The following ZNF10 variants were observed in gnomAD, a reference collection of about 807,000 sequenced individuals.
The protein encoded by ZNF10 is zinc finger protein 10 (KOX 1).
ZNF10 carries 8 observed loss-of-function variants against 12.2 expected under a neutral mutation model. The observed-to-expected ratio is 0.66, with a 90% CI of 0.39 to 1.18. ZNF10 has a LOEUF of 1.18. ZNF10 is among the 50% of genes most tolerant of loss of function. ZNF10 has a pLI of 0.01. For synonymous variants in ZNF10, 229 were observed against 228.2 expected, an observed-to-expected ratio of 1.00 and a Z score of -0.03; for missense variants, 603 against 678.9, an observed-to-expected ratio of 0.89 and a Z score of 1.24.
intron 1 of ZNF10, among the ~76,000 whole-genome samples, chr12:133,138,958 A>G (rs1419996738): frequency 2.0e-5 from 3 of 152,262 alleles, no homozygotes; most frequent in Non-Finnish European, 2.9e-5. Context: ...TACAAAGTAC[A>G]TATAGCATCC....
chr12:133,131,702 G>C (rs1566342001), intron 1 of ZNF10, among the ~76,000 whole-genome samples: 1 of 152,136 alleles, frequency 6.6e-6, no homozygotes, highest in East Asian at 1.9e-4. Context: ...CCTCTTGGAT[G>C]GTAAGTTGCA....
intron 2 of ZNF10, among the ~76,000 whole-genome samples, chr12:133,149,697 T>C (rs1955996571): frequency 6.6e-6 from 1 of 152,034 alleles, no homozygotes; most frequent in African/African-American, 2.4e-5. Flanking sequence ...ACTTGTTTTT[T>C]AATTGTTATG....
chr12:133,132,685 T>C (rs1041335700), intron 1 of ZNF10, among the ~76,000 whole-genome samples: 1 of 152,242 alleles, frequency 6.6e-6, no homozygotes, highest in Non-Finnish European at 1.5e-5. Context: ...CAAGATATGA[T>C]ATAGGCCACC....
chr12:133,144,472 A>G lies in ZNF10; in HGVS notation c.-21A>G. On this transcript the variant is annotated 5_prime_UTR_variant, in exon 2 of 5. Transcript: ENST00000248211. ...GCACTCTGCTGTCACTCAAGGAAGTATCATCAAGAACAAGGAGGGCATGGA... is the reference window on the plus strand; with the variant it reads ...GCACTCTGCTGTCACTCAAGGAAGTGTCATCAAGAACAAGGAGGGCATGGA... 6.2e-7 allele frequency: 1 copy of G among 1,613,540 alleles called. No homozygotes were observed. The highest frequency in any genetic ancestry group is 8.5e-7 in the Non-Finnish European group (1 of 1,179,572).
At chr12:133,142,038 T>C (rs1955947395) in intron 1 of ZNF10, among the ~76,000 whole-genome samples, 1 of 152,030 alleles carries the variant, frequency 6.6e-6, no homozygotes, top group Admixed American at 6.5e-5. Context: ...TACAAAGTAC[T>C]GAAAGAAAAA....
Position 133,157,680 on chromosome 12 carries a change from C to A in ZNF10, c.*712C>A, listed in dbSNP as rs1956050965. On this transcript the variant is annotated 3_prime_UTR_variant, in exon 5 of 5. Coordinates refer to ENST00000248211, the MANE Select transcript of ZNF10 (RefSeq NM_015394.5). The stretch of plus-strand genomic sequence containing the variant: ...TTGCTGTAATAATTATTTTAAGAAA[C>A]TTTTAAATATTGTAAGAGGATATCT... The A allele has an allele frequency of 6.6e-6, 1 of 152,180 alleles. No homozygotes were observed. Among genetic ancestry groups the A allele is most frequent in the South Asian group, 2.1e-4 (1 of 4,830 alleles). 9.4% of individuals were successfully genotyped at this position (152,180 alleles called of 1,614,324 possible).
chr12:133,151,739 G>T (rs1384169826), intron 3 of ZNF10, 70 bp from the exon 4 acceptor site: 1 of 1,220,694 alleles, frequency 8.2e-7, no homozygotes, highest in African/African-American at 1.5e-5. Flanking sequence ...TTGAATCTGA[G>T]ATGTTTCTTC....
Position 133,157,578 on chromosome 12 carries a change from G to GA in ZNF10, c.*613dup, listed in dbSNP as rs2135466454. Reference sequence around the variant, plus strand: ...GTACATTTGCATGTGGGCAAGAATTGAAAGTATACAGATAATTGAACAGAA... The same window carrying GA: ...GTACATTTGCATGTGGGCAAGAATTGAAAAGTATACAGATAATTGAACAGAA... On this transcript the variant is annotated 3_prime_UTR_variant, in exon 5 of 5. Transcript: ENST00000248211. 1 of 152,340 alleles carries GA rather than the reference G, an allele frequency of 6.6e-6. No homozygotes were observed. The highest frequency in any genetic ancestry group is 2.1e-4 in the South Asian group (1 of 4,830). 9.4% of individuals were successfully genotyped at this position (152,340 alleles called of 1,614,324 possible). A position where few individuals can be genotyped will look rare whatever the true frequency, so the allele number is the denominator to read the frequency against.
At chr12:133,136,000 T>C (rs1324474434) in intron 1 of ZNF10, among the ~76,000 whole-genome samples, 1 of 152,276 alleles carries the variant, frequency 6.6e-6, no homozygotes, top group Non-Finnish European at 1.5e-5. Context: ...TCAATGATCA[T>C]GGCCATCTGT....
rs758832646 is a variant in ZNF10, at chr12:133,156,513, C to T, written c.1267C>T (p.His423Tyr). ...CAGCCAGAGATCTCACCTTGTTGTGCATCATAGAATTCACACTGGACTAAA... is the reference window on the plus strand; with the variant it reads ...CAGCCAGAGATCTCACCTTGTTGTGTATCATAGAATTCACACTGGACTAAA... ...SYSQRSHLVV[H>Y]HRIHTGLKPF... The change falls in exon 5 of 5, where the codon CAT becomes TAT. Residue 423 changes from histidine to tyrosine, a missense_variant. By Grantham distance (83) the His-to-Tyr change is moderately conservative. Around this residue, in one of 3 missense-constraint regions of ZNF10, gnomAD observed 204 missense variants for 262.8 expected, o/e 0.78. Transcript: ENST00000248211. The T allele has an allele frequency of 2.5e-6, 4 of 1,613,936 alleles. No individual in the cohort carries two copies. Among genetic ancestry groups the T allele is most frequent in the Non-Finnish European group, 3.4e-6 (4 of 1,179,972 alleles).
chr12:133,154,881 A>C (rs1267958713), intron 4 of ZNF10, among the ~76,000 whole-genome samples: 1 of 152,228 alleles, frequency 6.6e-6, no homozygotes, highest in African/African-American at 2.4e-5. Flanking sequence ...GTTCAAGACC[A>C]GCCTGGCCAA....
At chr12:133,135,780 T>C (rs994877949) in intron 1 of ZNF10, among the ~76,000 whole-genome samples, 27 of 152,264 alleles carry the variant, frequency 1.8e-4, no homozygotes, top group African/African-American at 6.0e-4. Context: ...TTCTTACTTC[T>C]CTTGCTCTGC....
chr12:133,141,838 C>T (rs1165335218), intron 1 of ZNF10, among the ~76,000 whole-genome samples: 1 of 152,024 alleles, frequency 6.6e-6, no homozygotes, highest in African/African-American at 2.4e-5. Context: ...GTTCAAGAAG[C>T]TCAAGGAACC....
In ZNF10 at chr12:133,156,149, T is replaced by G. The variant is rs1226719814; in HGVS notation, c.903T>G (p.Ser301=). 1 of 1,613,594 alleles carries G rather than the reference T, an allele frequency of 6.2e-7. No individual in the cohort carries two copies. The highest frequency in any genetic ancestry group is 1.7e-5 in the Admixed American group (1 of 60,020). ...ATGAGTGTAAAGAATGTGGAAAGTC[T>G]TTCAGCCGGAGTTCTCACCTCATTG... ...KPYECKECGK[S]FSRSSHLIGH... Residue 301 remains serine (S), a synonymous_variant, in exon 5 of 5, where the codon TCT becomes TCG. Transcript: ENST00000248211.
intron 4 of ZNF10, among the ~76,000 whole-genome samples, chr12:133,153,168 T>C (rs1380848496): frequency 2.0e-5 from 3 of 152,134 alleles, no homozygotes; most frequent in African/African-American, 7.2e-5. Flanking sequence ...TATATTTTTA[T>C]TGAGAATTTA....
At chr12:133,148,632 A>G (rs1320451788) in intron 2 of ZNF10, among the ~76,000 whole-genome samples, 1 of 151,564 alleles carries the variant, frequency 6.6e-6, no homozygotes, top group African/African-American at 2.4e-5. Flanking sequence ...TCTTAATTCT[A>G]TGTTGTCTGA....
chr12:133,140,544 C>T lies in ZNF10; in HGVS notation c.-59-3890C>T, dbSNP rs540644161. Among the ~76,000 whole-genome samples the T allele has an allele frequency of 4.8e-4, 73 of 150,860 alleles. 1 individual carries two copies. The highest frequency in any genetic ancestry group is 2.5e-3 in the South Asian group (12 of 4,714). On this transcript the variant is annotated intron_variant, in intron 1 of 4. Transcript: ENST00000248211. ...CCCTATGAGGTCAATACTATTTTAT[C>T]TCTCTTGGTCTTGAAAACCACTGTT... is the stretch of plus-strand genomic sequence containing the variant.
chr12:133,132,291 TAG>T (rs368143025), intron 1 of ZNF10, among the ~76,000 whole-genome samples: 5,333 of 144,122 alleles, frequency 0.037, 156 homozygotes, highest in South Asian at 0.11. Context: ...TTTTTTGAGA[TAG>T]AGTTTTGTTC....
At chr12:133,131,844 A>T (rs1458404074) in intron 1 of ZNF10, among the ~76,000 whole-genome samples, 1 of 152,068 alleles carries the variant, frequency 6.6e-6, no homozygotes, top group Non-Finnish European at 1.5e-5. Flanking sequence ...TTAAATGAGA[A>T]TTTCTGCTTA....
Sources: allele counts gnomAD v4.1 joint callset (sites outside exome capture counted in the v4.1 genomes callset), GRCh38; gene constraint gnomAD v4.1.1; regional missense constraint gnomAD v4.1.1; transcripts MANE v1.5; gene names NCBI Gene and HGNC (gene_info 2026-07-23, HGNC 2026-07-21).